TPRG1: variants seen among roughly 807,000 people sequenced by gnomAD.
TPRG1 encodes tumor protein p63-regulated gene 1 protein.
Under a neutral mutation model 29.3 loss-of-function variants are expected in TPRG1, and 29 were observed. That is an observed-to-expected ratio of 0.99 (90% confidence interval 0.74 to 1.35). The LOEUF (loss-of-function observed/expected upper bound fraction) is 1.35. Ranked by LOEUF, TPRG1 falls within the 40% of genes most tolerant of loss-of-function variation. The pLI is 0.00. For synonymous variants in TPRG1, 130 were observed against 116.8 expected (o/e 1.11, Z -0.73); for missense variants, 327 against 335.0 (o/e 0.98, Z 0.19).
At chr3:189,080,413 C>A (rs907456387) in intron 4 of TPRG1, among the ~76,000 whole-genome samples, 1 of 152,244 alleles carries the variant, frequency 6.6e-6, no homozygotes, top group East Asian at 1.9e-4. Flanking sequence ...GCAGACACTG[C>A]AAAAATACAC....
intron 4 of TPRG1, among the ~76,000 whole-genome samples, chr3:189,290,915 G>A (rs189536557): frequency 2.3e-4 from 35 of 152,090 alleles, no homozygotes; most frequent in South Asian, 8.3e-4. Flanking sequence ...TTTTGTTGTT[G>A]TTGTTGAGAC....
intron 4 of TPRG1, among the ~76,000 whole-genome samples, chr3:189,308,314 G>A (rs1478547525): frequency 1.3e-5 from 2 of 152,110 alleles, no homozygotes; most frequent in African/African-American, 4.8e-5. Flanking sequence ...CCACTCTGTC[G>A]CCTCCCAGGA....
intron 4 of TPRG1, among the ~76,000 whole-genome samples, chr3:189,278,461 C>T (rs986747219): frequency 3.3e-5 from 5 of 152,106 alleles, no homozygotes; most frequent in Admixed American, 3.3e-4. Context: ...TGTAACCAGA[C>T]CCATAATGTC....
intron 5 of TPRG1, among the ~76,000 whole-genome samples, chr3:189,165,003 C>T (rs374821452): frequency 5.9e-5 from 9 of 152,280 alleles, no homozygotes; most frequent in South Asian, 2.1e-4. Context: ...GGCCTTTGTA[C>T]AATGTAGCTA....
Position 189,232,506 on chromosome 3 carries a change from A to T in TPRG1, c.303-6227A>T, listed in dbSNP as rs113633875. Among the ~76,000 whole-genome samples, 1,248 of 152,322 alleles carry T rather than the reference A, an allele frequency of 8.2e-3. 10 individuals carry two copies. Among genetic ancestry groups the T allele is most frequent in the African/African-American group, 0.029 (1,189 of 41,564 alleles). ...TCAGCTTCTGTGGGCTTGAGTTACC[A>T]TTGTCAAGCCTCGTTACACCACACT... On this transcript the variant is annotated intron_variant, in intron 3 of 5. Transcript: ENST00000345063.
chr3:189,155,544 T>A (rs1395188031), intron 5 of TPRG1, among the ~76,000 whole-genome samples: 67 of 151,668 alleles, frequency 4.4e-4, no homozygotes. Flanking sequence ...AGAGAGAAGG[T>A]GATTATTCAT....
At chr3:189,127,872 A>T (rs1366231204) in intron 2 of TPRG1, among the ~76,000 whole-genome samples, 2 of 152,162 alleles carry the variant, frequency 1.3e-5, no homozygotes, top group African/African-American at 4.8e-5. Flanking sequence ...AGTTAAGCAT[A>T]ATTCCCTATA....
At chr3:189,112,606 T>A (rs1720668790) in intron 1 of TPRG1, among the ~76,000 whole-genome samples, 2 of 152,196 alleles carry the variant, frequency 1.3e-5, no homozygotes, top group African/African-American at 4.8e-5. Context: ...CTAGCCAGTT[T>A]TCCCAGCACC....
chr3:189,318,381 G>A (rs886610045), intron 5 of TPRG1, among the ~76,000 whole-genome samples: 9 of 152,268 alleles, frequency 5.9e-5, no homozygotes, highest in Admixed American at 2.6e-4. Context: ...AGAAAAAAAG[G>A]TCAACTTTTC....
chr3:189,129,944 G>T (rs1360444673), intron 2 of TPRG1, among the ~76,000 whole-genome samples: 1 of 152,174 alleles, frequency 6.6e-6, no homozygotes, highest in East Asian at 1.9e-4. Flanking sequence ...AAAATCTCAT[G>T]GAGGCTGATA....
chr3:189,199,153 C>G (rs1285086824), intron 1 of TPRG1, among the ~76,000 whole-genome samples: 1 of 152,136 alleles, frequency 6.6e-6, no homozygotes, highest in African/African-American at 2.4e-5. Context: ...AGAGGGAAGT[C>G]ATAAAACAAC....
chr3:189,155,338 G>A (rs1726523370), intron 5 of TPRG1, among the ~76,000 whole-genome samples: 1 of 152,136 alleles, frequency 6.6e-6, no homozygotes, highest in African/African-American at 2.4e-5. Context: ...AGCTGTGGAG[G>A]TACTGAAAAA....
intron 4 of TPRG1, among the ~76,000 whole-genome samples, chr3:189,031,400 A>G (rs893405344): frequency 4.6e-5 from 7 of 152,228 alleles, no homozygotes; most frequent in African/African-American, 1.4e-4. Context: ...TACACATGGC[A>G]TATGTATGCA....
chr3:189,020,633 G>A (rs1713244949), intron 3 of TPRG1, among the ~76,000 whole-genome samples: 1 of 147,052 alleles, frequency 6.8e-6, no homozygotes, highest in Admixed American at 6.8e-5. Flanking sequence ...CATTTGCTGA[G>A]GAGAGCTTTA....
At chr3:189,029,818 G>A (rs963562738) in intron 4 of TPRG1, among the ~76,000 whole-genome samples, 8 of 152,124 alleles carry the variant, frequency 5.3e-5, no homozygotes, top group African/African-American at 1.9e-4. Flanking sequence ...TTGTTTATTA[G>A]TGTGGCACCT....
upstream of TPRG1, among the ~76,000 whole-genome samples, chr3:189,096,893 T>TTC (rs933390898): frequency 1.3e-5 from 2 of 151,604 alleles, no homozygotes; most frequent in South Asian, 2.1e-4. Context: ...CTGTAGACAG[T>TTC]TCTCTCTCTC....
At chr3:189,049,137 C>T (rs368335725) in intron 4 of TPRG1, among the ~76,000 whole-genome samples, 17 of 152,276 alleles carry the variant, frequency 1.1e-4, no homozygotes, top group South Asian at 4.1e-4. Flanking sequence ...AAAAGCCTCC[C>T]GGCCACAACT....
At chr3:189,239,935 A>C (rs2108950883) in intron 4 of TPRG1, among the ~76,000 whole-genome samples, 1 of 152,290 alleles carries the variant, frequency 6.6e-6, no homozygotes, top group East Asian at 1.9e-4. Context: ...TTTAGATCTA[A>C]GCAAGAGAAA....
intron 4 of TPRG1, among the ~76,000 whole-genome samples, chr3:189,067,072 A>G (rs1716500488): frequency 6.6e-6 from 1 of 152,210 alleles, no homozygotes; most frequent in African/African-American, 2.4e-5. Flanking sequence ...CCTATTTACA[A>G]TAGTTACAAA....
Sources: gnomAD v4.1 joint callset for allele counts (sites outside exome capture counted in the v4.1 genomes callset) on GRCh38, gnomAD v4.1.1 for gene constraint, MANE v1.5 for transcripts, NCBI Gene and HGNC (gene_info 2026-07-23, HGNC 2026-07-21) for gene names.